CYFIP2: variants seen among roughly 807,000 people sequenced by gnomAD.
CYFIP2 encodes cytoplasmic FMR1 interacting protein 2.
CYFIP2 carries 29 observed loss-of-function variants against 158.7 expected under a neutral mutation model. That is an observed-to-expected ratio of 0.18 (90% CI 0.14 to 0.25). The LOEUF is 0.25. CYFIP2 is among the 10% of genes least tolerant of loss of function. The pLI is 1.00. For missense variants in CYFIP2, 852 were observed against 1,639.5 expected (o/e 0.52, Z 8.29); for synonymous variants, 585 against 617.6 (o/e 0.95, Z 0.78).
At chr5:157,341,640 G>A (rs1434666426) in intron 23 of CYFIP2, 1 of 156,456 alleles carries the variant, frequency 6.4e-6, no homozygotes, top group African/African-American at 2.4e-5. Flanking sequence ...TAGCAGGAAT[G>A]GGGGCAAAAG....
intron 1 of CYFIP2, among the ~76,000 whole-genome samples, chr5:157,277,418 T>A (rs1756650918): frequency 6.6e-6 from 1 of 152,104 alleles, no homozygotes; most frequent in Non-Finnish European, 1.5e-5. Flanking sequence ...GGAGAAGGAA[T>A]GGAAAAACTA....
chr5:157,388,944 A>G (rs1032799591), intron 28 of CYFIP2, among the ~76,000 whole-genome samples: 2 of 152,364 alleles, frequency 1.3e-5, no homozygotes, highest in East Asian at 3.9e-4. Flanking sequence ...TGGGTAAATC[A>G]TAATTTTAAA....
At chr5:157,341,225 T>C in intron 23 of CYFIP2, 68 bp downstream of exon 23, 1 of 1,448,720 alleles carries the variant, frequency 6.9e-7, no homozygotes, top group Non-Finnish European at 9.7e-7. Context: ...AAAGTGTCTC[T>C]TAATTAGAAG....
rs1755656730 is a variant in CYFIP2, at chr5:157,266,959, C to T, written c.-24+764C>T. On this transcript the variant is annotated intron_variant, in intron 1 of 30. Transcript: ENST00000620254. This position sits in a 1 kb window ranked among gnomAD's most constrained non-coding sequence, Gnocchi z 4.2. ...GTCTACTTTTCAGGTCAGCCCTACC[C>T]CTCACCCCAAAGAACAGCCCACCTA... The T allele has an allele frequency of 6.6e-6, 1 of 152,438 alleles. No individual in the cohort carries two copies. The highest frequency in any genetic ancestry group is 1.5e-5 in the Non-Finnish European group (1 of 68,254). 9.4% of individuals were successfully genotyped at this position (152,438 alleles called of 1,614,324 possible). A position where few individuals can be genotyped will look rare whatever the true frequency, so the allele number is the denominator to read the frequency against.
chr5:157,368,445 ACTC>A (rs1764640709), intron 26 of CYFIP2, among the ~76,000 whole-genome samples: 1 of 151,530 alleles, frequency 6.6e-6, no homozygotes, highest in South Asian at 2.1e-4. Flanking sequence ...GGGAAAAAAA[ACTC>A]CTCCAGCTGC....
chr5:157,392,445 T>G (rs1767400130), intron 30 of CYFIP2, among the ~76,000 whole-genome samples: 1 of 152,246 alleles, frequency 6.6e-6, no homozygotes, highest in South Asian at 2.1e-4. Flanking sequence ...TGTGTGGGTA[T>G]CCATATTTCC....
At chr5:157,377,354 C>A (rs1481553516) in intron 26 of CYFIP2, among the ~76,000 whole-genome samples, 4 of 152,110 alleles carry the variant, frequency 2.6e-5, no homozygotes, top group Non-Finnish European at 5.9e-5. Context: ...CCTACTGTGG[C>A]CTCTTGCTTT....
intron 18 of CYFIP2, among the ~76,000 whole-genome samples, chr5:157,327,672 G>C (rs923299507): frequency 1.3e-5 from 2 of 152,174 alleles, no homozygotes; most frequent in African/African-American, 4.8e-5. Flanking sequence ...GAGCACTGAT[G>C]GGTTCTGACA....
rs1410666252 is a variant in CYFIP2, at chr5:157,333,381, G to A, written c.2320G>A (p.Ala774Thr). 3.1e-6 allele frequency: 5 copies of A among 1,613,836 alleles called. No individual in the cohort carries two copies. Among genetic ancestry groups the A allele is most frequent in the African/African-American group, 1.3e-5 (1 of 74,912 alleles). ...ACTCATTACCCAGCGCATCTCTGCCGCCATGTATAAATCCTTGGACCAAGC... is the reference window on the plus strand; with the variant it reads ...ACTCATTACCCAGCGCATCTCTGCCACCATGTATAAATCCTTGGACCAAGC... Reference protein sequence around the residue: ...NRLITQRISAAMYKSLDQAIS... With the variant: ...NRLITQRISATMYKSLDQAIS... The change falls in exon 21 of 31, where the codon GCC becomes ACC. Residue 774 changes from alanine to threonine, a missense_variant. Coordinates refer to ENST00000620254, the MANE Select transcript of CYFIP2 (RefSeq NM_001037333.3).
At position 157,290,600 on chromosome 5, in the gene CYFIP2, G is replaced by T. The variant is rs183932262; in HGVS notation, c.207+3492G>T. Among the ~76,000 whole-genome samples the T allele has an allele frequency of 2.6e-5, 4 of 152,298 alleles. No individual in the cohort carries two copies. The East Asian group carries it at 7.7e-4, about 29-fold the overall frequency. The stretch of plus-strand genomic sequence containing the variant: ...AAGGAACATATTCACAGGCACCAGG[G>T]ATTAGGATACAGACATCTTGGGGGG... On this transcript the variant is annotated intron_variant, in intron 3 of 30. Transcript: ENST00000620254.
intron 11 of CYFIP2, among the ~76,000 whole-genome samples, chr5:157,313,374 A>T (rs189132383): frequency 6.6e-6 from 1 of 152,184 alleles, no homozygotes; most frequent in East Asian, 1.9e-4. Context: ...TTTTTTTTCC[A>T]TAAGGCATGT....
intron 1 of CYFIP2, chr5:157,267,027 G>T (rs1451208079): frequency 1.3e-5 from 2 of 152,748 alleles, no homozygotes; most frequent in African/African-American, 2.4e-5. Context: ...TTGGGGATGG[G>T]GGCAGGTAGC....
chr5:157,320,542 C>A, intron 14 of CYFIP2, 113 bp from the exon 15 acceptor site: 1 of 1,395,382 alleles, frequency 7.2e-7, no homozygotes. Context: ...ACAAGCACCC[C>A]AAGAATTCAA....
chr5:157,380,028 G>A (rs536776324), intron 26 of CYFIP2: 1 of 152,288 alleles, frequency 6.6e-6, no homozygotes, highest in African/African-American at 2.4e-5. Flanking sequence ...GGTTGGAGAT[G>A]GAATCATGGA....
chr5:157,278,735 A>G (rs148127944), intron 1 of CYFIP2, among the ~76,000 whole-genome samples: 3 of 152,286 alleles, frequency 2.0e-5, no homozygotes, highest in African/African-American at 7.2e-5. Context: ...CTCTCTATTG[A>G]AAACAGGCCA....
At chr5:157,372,720 T>C (rs1765105440) in intron 26 of CYFIP2, among the ~76,000 whole-genome samples, 1 of 152,140 alleles carries the variant, frequency 6.6e-6, no homozygotes, top group African/African-American at 2.4e-5. Flanking sequence ...ACCTATTTGA[T>C]TTACCATGAG....
intron 26 of CYFIP2, among the ~76,000 whole-genome samples, chr5:157,379,020 C>T (rs567634596): frequency 6.6e-6 from 1 of 152,264 alleles, no homozygotes; most frequent in African/African-American, 2.4e-5. Flanking sequence ...GCACCTCTGC[C>T]CACCTGCATT....
intron 26 of CYFIP2, chr5:157,375,847 C>T (rs1765419966): frequency 6.6e-6 from 1 of 152,104 alleles, no homozygotes; most frequent in African/African-American, 2.4e-5. Flanking sequence ...TGCGAAGTCT[C>T]CAGCGCTTAA....
Position 157,296,665 on chromosome 5 carries a change from C to A in CYFIP2, c.286-8C>A. 2 of 1,611,832 alleles carry A rather than the reference C, an allele frequency of 1.2e-6. No individual in the cohort carries two copies. The highest frequency in any genetic ancestry group is 1.7e-6 in the Non-Finnish European group (2 of 1,178,212). On this transcript the variant is annotated splice_polypyrimidine_tract_variant and splice_region_variant and intron_variant, in intron 4 of 30. Transcript: ENST00000620254. ...CCAGGATGTGTGTGTCCCCATTATC[C>A]CCCACAGGTGAAATGCAACGAGCAG...
Sources: gnomAD v4.1 joint callset for allele counts (sites outside exome capture counted in the v4.1 genomes callset) on GRCh38, gnomAD v4.1.1 for gene constraint, Gnocchi (gnomAD v3.1) non-coding constraint, MANE v1.5 for transcripts, NCBI Gene and HGNC (gene_info 2026-07-23, HGNC 2026-07-21) for gene names.